The following SFMBT2 variants were observed in gnomAD, a reference collection of about 807,000 sequenced individuals.
SFMBT2 encodes scm-like with four MBT domains protein 2.
In SFMBT2, 38 loss-of-function variants were observed where a neutral mutation model predicts 110.1. The ratio of observed to expected loss-of-function variants is 0.35; its 90% CI spans 0.27 to 0.45. The LOEUF (loss-of-function observed/expected upper bound fraction) is 0.45. SFMBT2 is among the 20% of genes least tolerant of loss of function. SFMBT2 has a pLI of 1.00. For missense variants in SFMBT2, 1,011 were observed against 1,094.9 expected (o/e 0.92, Z 1.08); for synonymous variants, 425 against 425.4 (o/e 1.00, Z 0.01).
At chr10:7,241,348 G>T (rs984479761) in intron 9 of SFMBT2, 1 of 981,870 alleles carries the variant, frequency 1.0e-6, no homozygotes, top group African/African-American at 1.7e-5. Context: ...GGTTTAAAAA[G>T]AGTTATAGTT....
In SFMBT2 at chr10:7,197,820, G is replaced by A. The variant is rs111602877; in HGVS notation, c.1559-133C>T. 767 of 1,289,216 alleles carry A rather than the reference G, an allele frequency of 5.9e-4. 4 individuals carry two copies. The African/African-American group carries it at 0.01, about 17-fold the overall frequency. 79.9% of individuals were successfully genotyped at this position (1,289,216 alleles called of 1,614,324 possible). A position where few individuals can be genotyped will look rare whatever the true frequency, so the allele number is the denominator to read the frequency against. Reference sequence around the variant, plus strand: ...GCTGTCCGAGGTCTTGGCTGATGGGGAGTCAGGCGTAATAAAAGCAATGGA... The same window carrying A: ...GCTGTCCGAGGTCTTGGCTGATGGGAAGTCAGGCGTAATAAAAGCAATGGA... On this transcript the variant is annotated intron_variant, in intron 14 of 20. Transcript: ENST00000397167.
intron 20 of SFMBT2, among the ~76,000 whole-genome samples, chr10:7,168,959 T>C (rs1439969106): frequency 6.6e-6 from 1 of 152,122 alleles, no homozygotes; most frequent in Non-Finnish European, 1.5e-5. Context: ...TCTTTTTTCT[T>C]TCTTTCTTTT....
At chr10:7,287,939 G>T (rs1184910330) in intron 4 of SFMBT2, among the ~76,000 whole-genome samples, 3 of 152,130 alleles carry the variant, frequency 2.0e-5, no homozygotes, top group Non-Finnish European at 4.4e-5. Flanking sequence ...CTTATAAGGG[G>T]TGTTCTAAGG....
chr10:7,348,357 GT>G (rs1844186434), intron 4 of SFMBT2: 2 of 1,512,514 alleles, frequency 1.3e-6, no homozygotes, highest in African/African-American at 2.8e-5. Context: ...ATCACAGATG[GT>G]TTTAATGGCT....
intron 8 of SFMBT2, among the ~76,000 whole-genome samples, chr10:7,245,915 T>A (rs1840592625): frequency 6.6e-6 from 1 of 152,148 alleles, no homozygotes; most frequent in Non-Finnish European, 1.5e-5. Context: ...TTGTGATGAG[T>A]AATGACAGCA....
chr10:7,320,444 A>T, intron 4 of SFMBT2: 1 of 284,976 alleles, frequency 3.5e-6, no homozygotes, highest in Non-Finnish European at 5.3e-6. Flanking sequence ...CTGATTCTCT[A>T]GGATTGGAAA....
chr10:7,175,843 C>G lies in SFMBT2; in HGVS notation c.1984+147G>C, dbSNP rs1838037318. 8 of 712,386 alleles carry G rather than the reference C, an allele frequency of 1.1e-5. No individual in the cohort carries two copies. In the East Asian group the frequency reaches 2.1e-4, roughly 19 times the overall value. 44.1% of individuals were successfully genotyped at this position (712,386 alleles called of 1,614,324 possible). Reference sequence around the variant, plus strand: ...AACACATGTATCTGCTACAGCAAATCCTTAAAAATCCTTCCATAGCAATTC... The same window carrying G: ...AACACATGTATCTGCTACAGCAAATGCTTAAAAATCCTTCCATAGCAATTC... On this transcript the variant is annotated intron_variant, in intron 17 of 20. Transcript: ENST00000397167.
intron 15 of SFMBT2, among the ~76,000 whole-genome samples, chr10:7,190,469 G>C (rs990615332): frequency 1.3e-5 from 2 of 152,162 alleles, no homozygotes; most frequent in African/African-American, 4.8e-5. Flanking sequence ...CTGGGAGCAG[G>C]CAGCAATTAA....
chr10:7,162,011 G>A lies in SFMBT2; in HGVS notation c.*1759C>T, dbSNP rs1198082835. The A allele has an allele frequency of 2.0e-5, 3 of 152,182 alleles. No individual in the cohort carries two copies. The highest frequency in any genetic ancestry group is 7.2e-5 in the African/African-American group (3 of 41,424). The allele number at this position is 152,182 out of a possible 1,614,324, so 9.4% of individuals were successfully genotyped here. ...GGGAGGGTTTGGTTTCCTTGCATAAGTTTAAGAAGGCATCTTGGCAGCCAC... is the reference window on the plus strand; with the variant it reads ...GGGAGGGTTTGGTTTCCTTGCATAAATTTAAGAAGGCATCTTGGCAGCCAC... On this transcript the variant is annotated 3_prime_UTR_variant, in exon 21 of 21. Transcript: ENST00000397167.
At chr10:7,246,718 C>CA (rs397949347) in intron 8 of SFMBT2, among the ~76,000 whole-genome samples, 57,811 of 72,428 alleles carry the variant, frequency 0.8, 23,059 homozygotes, top group East Asian at 0.87. Context: ...GACTCCATCT[C>CA]AAAAAAAAAA....
intron 4 of SFMBT2, among the ~76,000 whole-genome samples, chr10:7,303,510 AGAGAGACAGAAAAAGAGAAAGAAAGGG>A (rs1842611671): frequency 6.6e-6 from 1 of 152,210 alleles, no homozygotes; most frequent in Non-Finnish European, 1.5e-5. Context: ...AGAGAGAGAC[AGAGAGACAGAAAAAGAGAAAGAAAGGG>A]TGGTGTAATA....
At chr10:7,234,705 A>G (rs1254408476) in intron 9 of SFMBT2, among the ~76,000 whole-genome samples, 2 of 152,194 alleles carry the variant, frequency 1.3e-5, no homozygotes, top group African/African-American at 4.8e-5. Context: ...CAGTCTCCCT[A>G]CAGATATCAG....
chr10:7,324,803 G>C (rs1004363763), intron 4 of SFMBT2, among the ~76,000 whole-genome samples: 1 of 152,094 alleles, frequency 6.6e-6, no homozygotes, highest in Non-Finnish European at 1.5e-5. Context: ...CTTGCTACGT[G>C]TTCACATGAC....
chr10:7,377,514 G>T (rs1370156339), intron 2 of SFMBT2, among the ~76,000 whole-genome samples: 2 of 152,122 alleles, frequency 1.3e-5, no homozygotes, highest in African/African-American at 4.8e-5. Flanking sequence ...CCATGATATA[G>T]AATCAGTGGG....
Position 7,397,072 on chromosome 10 carries a change from T to C in SFMBT2, c.-52+13789A>G, listed in dbSNP as rs1430543565. Among the ~76,000 whole-genome samples, 3 of 151,986 alleles carry C rather than the reference T, an allele frequency of 2.0e-5. No homozygotes were observed. The East Asian group carries it at 5.8e-4, about 29-fold the overall frequency. ...AGTATAATAAAAATAAAAAATAAAA[T>C]AAACTATCATTGTGCAATTGGAATC... On this transcript the variant is annotated intron_variant, in intron 1 of 20. Transcript: ENST00000397167.
intron 15 of SFMBT2, among the ~76,000 whole-genome samples, chr10:7,192,047 CA>C (rs371697487): frequency 0.011 from 1,594 of 146,444 alleles, 15 homozygotes; most frequent in Middle Eastern, 0.039. Context: ...GCCTGACATG[CA>C]AAAAAAAAAA....
At position 7,163,752 on chromosome 10, in the gene SFMBT2, C is replaced by T; in HGVS notation, c.*18G>A. 1.9e-6 allele frequency: 3 copies of T among 1,608,374 alleles called. No homozygotes were observed. The highest frequency in any genetic ancestry group is 1.7e-4 in the Middle Eastern group (1 of 6,026). ...ACACCGCATCCCAGCAATAATGGGC[C>T]ACCTCCCGAGGGCAGACTCAGTTGG... On this transcript the variant is annotated 3_prime_UTR_variant, in exon 21 of 21. Transcript: ENST00000397167. The surrounding 1 kb of genome is among the most constrained non-coding windows in gnomAD (Gnocchi z 4.8).
At position 7,171,123 on chromosome 10, in the gene SFMBT2, C is replaced by T; in HGVS notation, c.2416-67G>A. 6.2e-7 allele frequency: 1 copy of T among 1,607,064 alleles called. No homozygotes were observed. The highest frequency in any genetic ancestry group is 8.5e-7 in the Non-Finnish European group (1 of 1,176,638). On this transcript the variant is annotated intron_variant, in intron 19 of 20. Transcript: ENST00000397167. This position sits in a 1 kb window ranked among gnomAD's most constrained non-coding sequence, Gnocchi z 4.9. ...AGCTGGCTGGGTCCTCTCCAGCACT[C>T]TCCAGGCCTCGGCCGTTCCTGGCCG...
chr10:7,381,862 G>C lies in SFMBT2; in HGVS notation c.37C>G (p.Pro13Ala). 1 of 1,612,570 alleles carries C rather than the reference G, an allele frequency of 6.2e-7. No homozygotes were observed. Among genetic ancestry groups the C allele is most frequent in the Non-Finnish European group, 8.5e-7 (1 of 1,179,084 alleles). The change falls in exon 2 of 21, where the codon CCT becomes GCT. Residue 13 changes from proline (P) to alanine (A), a missense_variant. This residue lies in a region of SFMBT2 where 979 missense variants were observed against 1,016.1 expected (regional missense o/e 0.96). Coordinates refer to ENST00000397167, the MANE Select transcript of SFMBT2 (RefSeq NM_001387889.1). ...STLSASNMQD[P>A]SSSPLEKCLG... ...CACTTTTCCAAGGGTGAAGATGAAG[G>C]GTCTTGCATATTGGAAGCTGACAAA...
Sources: gnomAD v4.1 joint callset for allele counts (sites outside exome capture counted in the v4.1 genomes callset) on GRCh38, gnomAD v4.1.1 for gene constraint, gnomAD v4.1.1 regional missense constraint, Gnocchi (gnomAD v3.1) non-coding constraint, MANE v1.5 for transcripts, NCBI Gene and HGNC (gene_info 2026-07-23, HGNC 2026-07-21) for gene names.